The following ULK1 variants were observed in gnomAD, a reference collection of about 807,000 sequenced individuals.
ULK1 encodes serine/threonine-protein kinase ULK1.
In ULK1, 48 loss-of-function variants were observed where a neutral mutation model predicts 117.5. That is an observed-to-expected ratio of 0.41 (90% CI 0.32 to 0.52). ULK1 has a LOEUF of 0.52. Among genes scored for constraint, ULK1 ranks in the 20% least tolerant of loss-of-function variants. The pLI, the probability that ULK1 is intolerant of heterozygous loss-of-function variation, is 0.29. For synonymous variants in ULK1, 790 were observed against 637.8 expected, an observed-to-expected ratio of 1.24 and a Z score of -3.60; for missense variants, 1,387 against 1,473.4, an observed-to-expected ratio of 0.94 and a Z score of 0.96.
At chr12:131,916,249 G>T (rs1231414748) in intron 19 of ULK1, 90 bp downstream of exon 19, 6 of 1,540,720 alleles carry the variant, frequency 3.9e-6, no homozygotes, top group African/African-American at 1.4e-5. Context: ...GAGGAAGGCA[G>T]CTCTGTACCT....
In ULK1 at chr12:131,916,448, G is replaced by C. The variant is rs767076989; in HGVS notation, c.1929G>C (p.Leu643=). 3 of 1,609,534 alleles carry C rather than the reference G, an allele frequency of 1.9e-6. No individual in the cohort carries two copies. In the South Asian group the frequency reaches 3.3e-5, roughly 18 times the overall value. Residue 643 remains leucine, a synonymous_variant, in exon 20 of 28, where the codon CTG becomes CTC. Transcript: ENST00000321867. ...AGACCCCCAGCTCCCAGAACCTGCT[G>C]GCCCTCCTAGCCCGGCAGGGCGTGG... The part of the protein sequence containing the change: ...FPKTPSSQNL[L]ALLARQGVVM...
intron 26 of ULK1, 140 bp from the exon 27 acceptor site, chr12:131,920,960 T>G: frequency 8.3e-7 from 1 of 1,210,646 alleles, no homozygotes; most frequent in East Asian, 2.6e-5. Context: ...CACAGCAGGC[T>G]GCACCAGCAC....
Position 131,919,201 on chromosome 12 carries a change from G to A in ULK1, c.2512-11G>A, listed in dbSNP as rs369418408. ...GGCAGCACTTGCCGCCCTGACGGCC[G>A]CTTCCTGCAGCAAGAGCACACGGAG... On this transcript the variant is annotated splice_polypyrimidine_tract_variant and intron_variant, in intron 23 of 27. Transcript: ENST00000321867. The A allele has an allele frequency of 2.2e-4, 351 of 1,586,848 alleles. 1 individual carries two copies. The highest frequency in any genetic ancestry group is 1.6e-4 in the African/African-American group (12 of 74,558).
chr12:131,913,170 C>G, intron 13 of ULK1, 28 bp from the exon 14 acceptor site: 1 of 1,551,310 alleles, frequency 6.4e-7, no homozygotes, highest in East Asian at 2.4e-5. Flanking sequence ...GGCAAGGACT[C>G]CAGGCCCAGC....
chr12:131,897,480 C>T (rs1358800644), intron 3 of ULK1: 1 of 152,224 alleles, frequency 6.6e-6, no homozygotes, highest in Non-Finnish European at 1.5e-5. Context: ...TCACCGGTGT[C>T]CTTCCCCGCC....
intron 1 of ULK1, 108 bp downstream of exon 1, chr12:131,895,220 C>G (rs926585521): frequency 2.8e-5 from 23 of 817,506 alleles, no homozygotes; most frequent in South Asian, 5.8e-5. Context: ...CTCCCGAGAG[C>G]CCCACTCGAC....
At position 131,916,429 on chromosome 12, in the gene ULK1, C is replaced by A. The variant is rs147815013; in HGVS notation, c.1910C>A (p.Pro637His). ...CCCTCCTTTGACTTCCCGAAGACCC[C>A]CAGCTCCCAGAACCTGCTGGCCCTC... is the stretch of plus-strand genomic sequence containing the variant. ...AVPSFDFPKT[P>H]SSQNLLALLA... The change falls in exon 20 of 28, where the codon CCC becomes CAC. Residue 637 changes from proline (P) to histidine (H), a missense_variant. By Grantham distance (77) the Pro-to-His change is moderately conservative. This residue lies in a region of ULK1 where 900 missense variants were observed against 858.9 expected (regional missense o/e 1.05). Transcript: ENST00000321867. 2.1e-5 allele frequency: 34 copies of A among 1,601,590 alleles called. No homozygotes were observed. The highest frequency in any genetic ancestry group is 2.7e-5 in the Non-Finnish European group (32 of 1,174,710).
At chr12:131,917,727 A>G (rs1889927154) in intron 22 of ULK1, among the ~76,000 whole-genome samples, 173 bp downstream of exon 22, 1 of 152,070 alleles carries the variant, frequency 6.6e-6, no homozygotes, top group Non-Finnish European at 1.5e-5. Flanking sequence ...CCGTCTGCGA[A>G]ATGGACGTGG....
rs1232278050 is a variant in ULK1 at position 131,912,042 on chromosome 12, C to T, written c.1049C>T (p.Ser350Phe). The T allele has an allele frequency of 6.2e-7, 1 of 1,612,866 alleles. No individual in the cohort carries two copies. The highest frequency in any genetic ancestry group is 8.5e-7 in the Non-Finnish European group (1 of 1,179,960). Reference protein sequence around the residue: ...SSRDSGGSKDSSCDTDDFVMV... With the variant: ...SSRDSGGSKDFSCDTDDFVMV... The stretch of plus-strand genomic sequence containing the variant: ...CGGGACTCTGGTGGCAGCAAGGACT[C>T]TTCCTGTGACACAGACGACTTCGTC... The change falls in exon 13 of 28, where the codon TCT becomes TTT. Residue 350 changes from serine to phenylalanine, a missense_variant. This residue lies in a region of ULK1 where 260 missense variants were observed against 271.6 expected (regional missense o/e 0.96). Transcript: ENST00000321867.
In ULK1 at chr12:131,919,990, C is replaced by T; in HGVS notation, c.2815C>T (p.Leu939=). 6.2e-7 allele frequency: 1 copy of T among 1,612,622 alleles called. No individual in the cohort carries two copies. Among genetic ancestry groups the T allele is most frequent in the East Asian group, 2.2e-5 (1 of 44,890 alleles). The change falls in exon 26 of 28, where the codon CTG becomes TTG. Residue 939 remains leucine, a synonymous_variant. Transcript: ENST00000321867. ...SSTVKQVVRR[L]NELYKASVVS... is the part of the protein sequence containing the mutation. ...CTCGTCCTTTGCAGTGGTGCGCAGG[C>T]TGAATGAGCTGTACAAGGCCAGCGT...
intron 3 of ULK1, among the ~76,000 whole-genome samples, chr12:131,896,274 AGTCAGGGCCGG>A (rs1200419522): frequency 6.6e-6 from 1 of 151,964 alleles, no homozygotes; most frequent in Non-Finnish European, 1.5e-5. Flanking sequence ...GCTCGCTGGC[AGTCAGGGCCGG>A]GCCGGGGCAC....
intron 1 of ULK1, 51 bp from the exon 2 acceptor site, chr12:131,895,550 G>T: frequency 6.7e-7 from 1 of 1,501,662 alleles, no homozygotes; most frequent in African/African-American, 1.4e-5. Context: ...GGGTCTGGGG[G>T]AGGCCTGCGA....
chr12:131,899,416 G>A (rs896240522), intron 3 of ULK1, among the ~76,000 whole-genome samples: 3 of 151,736 alleles, frequency 2.0e-5, no homozygotes, highest in Non-Finnish European at 4.4e-5. Flanking sequence ...TAGAACTCCC[G>A]ACCTCAGGTG....
intron 13 of ULK1, 118 bp downstream of exon 13, chr12:131,912,207 C>A: frequency 7.0e-7 from 1 of 1,420,962 alleles, no homozygotes; most frequent in Non-Finnish European, 9.3e-7. Flanking sequence ...AGGATGGGCC[C>A]CTGGGAGCCA....
chr12:131,918,384 TA>T, intron 22 of ULK1, 112 bp from the exon 23 acceptor site: 1 of 1,313,638 alleles, frequency 7.6e-7, no homozygotes, highest in Non-Finnish European at 1.0e-6. Flanking sequence ...ATAACAGGTG[TA>T]AACCGAGGCA....
Position 131,919,269 on chromosome 12 carries a change from G to GTCCTGGAGA in ULK1, c.2572_2580dup (p.Leu858_Ile860dup), listed in dbSNP as rs1566129678. 1 of 1,598,800 alleles carries GTCCTGGAGA rather than the reference G, an allele frequency of 6.3e-7. No homozygotes were observed. The highest frequency in any genetic ancestry group is 1.3e-5 in the African/African-American group (1 of 74,718). On this transcript the variant is annotated inframe_insertion, in exon 24 of 28. Coordinates refer to ENST00000321867, the MANE Select transcript of ULK1 (RefSeq NM_003565.4). Reference sequence around the variant, plus strand: ...CTTCACGCTGCTGTTCGTGCAGCACGTCCTGGAGATCGCAGCCCTGAAGGG... The same window carrying GTCCTGGAGA: ...CTTCACGCTGCTGTTCGTGCAGCACGTCCTGGAGATCCTGGAGATCGCAGCCCTGAAGGG...
At chr12:131,909,334 C>G in intron 8 of ULK1, 97 bp downstream of exon 8, 1 of 1,351,658 alleles carries the variant, frequency 7.4e-7, no homozygotes, top group Non-Finnish European at 9.9e-7. Flanking sequence ...CCGCGCCCCA[C>G]GAGCTCCCCT....
chr12:131,910,797 G>A lies in ULK1; in HGVS notation c.945G>A (p.Pro315=), dbSNP rs757464419. 6.8e-6 allele frequency: 11 copies of A among 1,612,172 alleles called. No homozygotes were observed. Among genetic ancestry groups the A allele is most frequent in the African/African-American group, 2.7e-5 (2 of 74,836 alleles). Residue 315 remains proline (P), a synonymous_variant, in exon 12 of 28, where the codon CCG becomes CCA. Coordinates refer to ENST00000321867, the MANE Select transcript of ULK1 (RefSeq NM_003565.4). ...GCTCCACCTCCCACCTGGCCTCCCCGCCGGTGAGTTGCCGCCCCAGGGGCT... is the reference window on the plus strand; with the variant it reads ...GCTCCACCTCCCACCTGGCCTCCCCACCGGTGAGTTGCCGCCCCAGGGGCT... ...SSSSTSHLAS[P]PSLGEMQQLQ...
chr12:131,901,928 C>T (rs1050237201), intron 3 of ULK1, among the ~76,000 whole-genome samples: 2 of 152,136 alleles, frequency 1.3e-5, no homozygotes, highest in Non-Finnish European at 2.9e-5. Context: ...CTGCTTTTTC[C>T]AAGCAAGGTC....
Sources: gnomAD v4.1 joint callset for allele counts (sites outside exome capture counted in the v4.1 genomes callset) on GRCh38, gnomAD v4.1.1 for gene constraint, gnomAD v4.1.1 regional missense constraint, MANE v1.5 for transcripts, NCBI Gene and HGNC (gene_info 2026-07-23, HGNC 2026-07-21) for gene names.